Variants in PCDHGB1 observed in about 807,000 individuals in gnomAD.
PCDHGB1 encodes the protein protocadherin gamma-B1.
PCDHGB1 carries 34 observed loss-of-function variants against 56.6 expected under a neutral mutation model. The ratio of observed to expected loss-of-function variants is 0.60; its 90% CI spans 0.46 to 0.80. PCDHGB1 has a LOEUF of 0.80. Ranked by LOEUF, PCDHGB1 falls within the 30% of genes least tolerant of loss-of-function variation. The probability of loss-of-function intolerance (pLI) is 0.00; values close to 1 mark genes in which losing one functional copy is unlikely to be tolerated. For synonymous variants in PCDHGB1, 561 were observed against 505.9 expected (o/e 1.11, Z -1.46); for missense variants, 1,278 against 1,204.6 (o/e 1.06, Z -0.90).
intron 1 of PCDHGB1, among the ~76,000 whole-genome samples, chr5:141,451,873 C>A (rs1425706652): frequency 1.3e-5 from 2 of 151,830 alleles, no homozygotes; most frequent in East Asian, 3.9e-4. Context: ...AGAATGAAAC[C>A]CTGTCAAGAA....
rs1054594374 is a variant in PCDHGB1 at position 141,489,607 on chromosome 5, A to G, written c.2410-5200A>G. On this transcript the variant is annotated intron_variant, in intron 1 of 3. Coordinates refer to ENST00000523390, the MANE Select transcript of PCDHGB1 (RefSeq NM_018922.3). This position sits in a 1 kb window ranked among gnomAD's most constrained non-coding sequence, Gnocchi z 4.5. ...GGAGCTAATCCGTGTAGAGGTAGAG[A>G]TCCTGGATCTCAATGACAACTCTCC... The G allele has an allele frequency of 6.2e-6, 10 of 1,613,850 alleles. No homozygotes were observed. The highest frequency in any genetic ancestry group is 8.5e-6 in the Non-Finnish European group (10 of 1,179,956).
At chr5:141,400,279 G>C (rs1561676065) in intron 1 of PCDHGB1, 1 of 1,614,050 alleles carries the variant, frequency 6.2e-7, no homozygotes, top group African/African-American at 1.3e-5. Context: ...CTCCAGCCCT[G>C]CCGCCTGGAG....
intron 1 of PCDHGB1, chr5:141,377,860 A>G (rs1236316198): frequency 6.6e-6 from 1 of 152,192 alleles, no homozygotes; most frequent in Non-Finnish European, 1.5e-5. Context: ...ATTAAGATTT[A>G]AAAGACTTCT....
intron 1 of PCDHGB1, chr5:141,422,639 C>T (rs777330051): frequency 3.7e-6 from 6 of 1,612,780 alleles, no homozygotes; most frequent in South Asian, 2.2e-5. Flanking sequence ...AGGGGTGCCT[C>T]CATCTTCTCA....
At chr5:141,393,602 T>G in intron 1 of PCDHGB1, 1 of 1,613,892 alleles carries the variant, frequency 6.2e-7, no homozygotes, top group Non-Finnish European at 8.5e-7. Context: ...GGCTGCTTAC[T>G]GTAACAGCCA....
In PCDHGB1 at chr5:141,505,363, T is replaced by C. The variant is rs751635403; in HGVS notation, c.2469-30T>C. 1.6e-5 allele frequency: 26 copies of C among 1,613,242 alleles called. No individual in the cohort carries two copies. In the Middle Eastern group the frequency reaches 9.9e-4, roughly 61 times the overall value. On this transcript the variant is annotated intron_variant, in intron 2 of 3. Transcript: ENST00000523390. ...GGCATGAGCTGTGCCGGCCTGGGAG[T>C]CTGTGCTCACCATCCTACTCTCTCC... is the stretch of plus-strand genomic sequence containing the variant.
intron 1 of PCDHGB1, chr5:141,372,736 T>C (rs1303541912): frequency 1.9e-6 from 3 of 1,613,276 alleles, no homozygotes; most frequent in African/African-American, 2.7e-5. Context: ...CAAGATCTTC[T>C]ATGTGATGAA....
In PCDHGB1 at chr5:141,485,068, T is replaced by C; in HGVS notation, c.2410-9739T>C. On this transcript the variant is annotated intron_variant, in intron 1 of 3. Transcript: ENST00000523390. The surrounding 1 kb of genome is among the most constrained non-coding windows in gnomAD (Gnocchi z 5.7). ...GGCGCCGGCCGAACCGCGCCAGAGCTGGCGCGGGGAAAGGGAGATAGGTGT... is the reference window on the plus strand; with the variant it reads ...GGCGCCGGCCGAACCGCGCCAGAGCCGGCGCGGGGAAAGGGAGATAGGTGT... 1 of 896,972 alleles carries C rather than the reference T, an allele frequency of 1.1e-6. No homozygotes were observed. The highest frequency in any genetic ancestry group is 1.6e-5 in the South Asian group (1 of 61,812). The allele number at this position is 896,972 out of a possible 1,614,324, so 55.6% of individuals were successfully genotyped here. A position where few individuals can be genotyped will look rare whatever the true frequency, so the allele number is the denominator to read the frequency against.
At position 141,432,459 on chromosome 5, in the gene PCDHGB1, T is replaced by A. The variant is rs1230209932; in HGVS notation, c.2410-62348T>A. The A allele has an allele frequency of 1.2e-6, 2 of 1,613,984 alleles. No homozygotes were observed. Among genetic ancestry groups the A allele is most frequent in the South Asian group, 1.1e-5 (1 of 91,082 alleles). ...GCGCCCGAGATCCTGTACCCCGCCCTCCCCACGGACGGTTCCACTGGCGTG... is the reference window on the plus strand; with the variant it reads ...GCGCCCGAGATCCTGTACCCCGCCCACCCCACGGACGGTTCCACTGGCGTG... On this transcript the variant is annotated intron_variant, in intron 1 of 3. Transcript: ENST00000523390. The surrounding 1 kb of genome is among the most constrained non-coding windows in gnomAD (Gnocchi z 6.0).
Position 141,431,758 on chromosome 5 carries a change from C to T in PCDHGB1, c.2410-63049C>T. Reference sequence around the variant, plus strand: ...CAGGATATTCTGCGCGAGCCAAAGTCCTGATCACTGTTCTGGACGTGAACG... The same window carrying T: ...CAGGATATTCTGCGCGAGCCAAAGTTCTGATCACTGTTCTGGACGTGAACG... On this transcript the variant is annotated intron_variant, in intron 1 of 3. Transcript: ENST00000523390. This position sits in a 1 kb window ranked among gnomAD's most constrained non-coding sequence, Gnocchi z 4.8. 1.9e-6 allele frequency: 3 copies of T among 1,614,172 alleles called. No homozygotes were observed. The highest frequency in any genetic ancestry group is 1.7e-6 in the Non-Finnish European group (2 of 1,180,020).
chr5:141,478,139 G>C, intron 1 of PCDHGB1: 15 of 1,614,040 alleles, frequency 9.3e-6, no homozygotes, highest in Non-Finnish European at 1.3e-5. Context: ...TGAAGCCCGA[G>C]CCGAGTTCCC....
At chr5:141,370,656 G>A (rs768093721) in intron 1 of PCDHGB1, 1 of 1,613,852 alleles carries the variant, frequency 6.2e-7, no homozygotes, top group Non-Finnish European at 8.5e-7. Context: ...ACTTGTGAGC[G>A]ACCGTATAGA....
chr5:141,350,590 A>G lies in PCDHGB1; in HGVS notation c.330A>G (p.Pro110=), dbSNP rs1362989593. Residue 110 remains proline, a synonymous_variant, in exon 1 of 4, where the codon CCA becomes CCG. Transcript: ENST00000523390. ...ALEFETVAEN[P]MNVFHVVVVI... The stretch of plus-strand genomic sequence containing the variant: ...AATTCGAAACGGTCGCTGAAAACCC[A>G]ATGAATGTTTTCCACGTGGTTGTTG... The G allele has an allele frequency of 3.7e-6, 6 of 1,613,902 alleles. No homozygotes were observed. In the African/African-American group the frequency reaches 6.7e-5, roughly 18 times the overall value.
At chr5:141,438,627 TATATATATAC>T (rs572501359) in intron 1 of PCDHGB1, among the ~76,000 whole-genome samples, 778 of 47,938 alleles carry the variant, frequency 0.016, 4 homozygotes, top group East Asian at 0.059. Context: ...TATATATATA[TATATATATAC>T]ACACACACAC....
At chr5:141,459,874 A>G (rs922438277) in intron 1 of PCDHGB1, among the ~76,000 whole-genome samples, 10 of 152,156 alleles carry the variant, frequency 6.6e-5, no homozygotes, top group African/African-American at 2.4e-4. Flanking sequence ...TTCATCTTTA[A>G]CTGAGCTGAA....
Position 141,489,753 on chromosome 5 carries a change from T to A in PCDHGB1, c.2410-5054T>A, listed in dbSNP as rs549652158. On this transcript the variant is annotated intron_variant, in intron 1 of 3. Transcript: ENST00000523390. The surrounding 1 kb of genome is among the most constrained non-coding windows in gnomAD (Gnocchi z 4.5). ...GCACCAATACTGTGAGCTTTTACAC[T>A]CTAAGCCCCAACAGCCACTTCTCTC... 6.2e-7 allele frequency: 1 copy of A among 1,614,070 alleles called. No homozygotes were observed. The highest frequency in any genetic ancestry group is 2.2e-5 in the East Asian group (1 of 44,866).
At chr5:141,409,378 C>G (rs780715519) in intron 1 of PCDHGB1, 3 of 1,613,996 alleles carry the variant, frequency 1.9e-6, no homozygotes, top group Non-Finnish European at 2.5e-6. Context: ...ACATTCCATT[C>G]AAGATTTATT....
chr5:141,366,591 C>A, intron 1 of PCDHGB1: 1 of 1,614,246 alleles, frequency 6.2e-7, no homozygotes, highest in East Asian at 2.2e-5. Context: ...CAGACCTATT[C>A]CCACGAGGTC....
chr5:141,499,565 C>T (rs1291006795), intron 2 of PCDHGB1, among the ~76,000 whole-genome samples: 1 of 152,168 alleles, frequency 6.6e-6, no homozygotes, highest in East Asian at 1.9e-4. Flanking sequence ...CACTATCCAG[C>T]TTCAACTAAT....
Sources: allele counts gnomAD v4.1 joint callset (sites outside exome capture counted in the v4.1 genomes callset), GRCh38; gene constraint gnomAD v4.1.1; non-coding constraint Gnocchi (gnomAD v3.1); transcripts MANE v1.5; gene names NCBI Gene and HGNC (gene_info 2026-07-23, HGNC 2026-07-21).